The following MTUS2 variants were observed in gnomAD, a reference collection of about 807,000 sequenced individuals.
MTUS2 encodes the protein microtubule associated scaffold protein 2.
Under a neutral mutation model 114.1 loss-of-function variants are expected in MTUS2, and 40 were observed. That is an observed-to-expected ratio of 0.35 (90% CI 0.27 to 0.46). The LOEUF is 0.46. Among genes scored for constraint, MTUS2 ranks in the 20% least tolerant of loss-of-function variants. The pLI, the probability that MTUS2 is intolerant of heterozygous loss-of-function variation, is 1.00. For synonymous variants in MTUS2, 688 were observed against 672.0 expected, an observed-to-expected ratio of 1.02 and a Z score of -0.37; for missense variants, 1,679 against 1,705.4, an observed-to-expected ratio of 0.98 and a Z score of 0.27.
intron 2 of MTUS2, among the ~76,000 whole-genome samples, chr13:28,942,966 G>C (rs115766517): frequency 3.9e-5 from 6 of 151,976 alleles, no homozygotes; most frequent in African/African-American, 1.5e-4. Flanking sequence ...TTTATGAAAC[G>C]ATATATTAAT....
chr13:29,060,491 C>CT (rs1480618875), intron 4 of MTUS2, among the ~76,000 whole-genome samples: 13 of 148,874 alleles, frequency 8.7e-5, no homozygotes, highest in African/African-American at 3.2e-4. Flanking sequence ...TCTCCGCTGT[C>CT]TGTGTCCACC....
chr13:29,346,017 G>T (rs1216139204), intron 7 of MTUS2, among the ~76,000 whole-genome samples: 1 of 152,228 alleles, frequency 6.6e-6, no homozygotes, highest in African/African-American at 2.4e-5. Context: ...CTGTCTTCAG[G>T]TCTGTCAGCC....
At chr13:29,330,248 T>C (rs576372888) in intron 7 of MTUS2, among the ~76,000 whole-genome samples, 8 of 152,204 alleles carry the variant, frequency 5.3e-5, no homozygotes, top group African/African-American at 1.9e-4. Context: ...TTTTGAGAAG[T>C]GTCTGTTGAT....
intron 6 of MTUS2, among the ~76,000 whole-genome samples, chr13:29,299,055 G>T (rs1439060765): frequency 6.6e-6 from 1 of 152,182 alleles, no homozygotes; most frequent in Non-Finnish European, 1.5e-5. Context: ...TAGGAGAATA[G>T]AAGCATTTAA....
At chr13:29,370,715 G>A (rs980815250) in intron 8 of MTUS2, among the ~76,000 whole-genome samples, 6 of 152,174 alleles carry the variant, frequency 3.9e-5, no homozygotes, top group African/African-American at 1.4e-4. Flanking sequence ...GGGTTACCCA[G>A]TCTGTGGTAT....
At chr13:29,444,411 A>G (rs1878126859) in intron 9 of MTUS2, among the ~76,000 whole-genome samples, 2 of 152,146 alleles carry the variant, frequency 1.3e-5, no homozygotes, top group African/African-American at 4.8e-5. Context: ...AGCCTGGGCA[A>G]CAAGAGCAAA....
chr13:28,965,064 A>G (rs950677244), intron 2 of MTUS2, among the ~76,000 whole-genome samples: 4 of 152,092 alleles, frequency 2.6e-5, no homozygotes, highest in African/African-American at 9.7e-5. Context: ...TTGGTAACAT[A>G]GTGGAGAGAG....
chr13:29,423,909 G>C (rs1330290168), intron 8 of MTUS2, among the ~76,000 whole-genome samples: 1 of 151,276 alleles, frequency 6.6e-6, no homozygotes, highest in African/African-American at 2.4e-5. Context: ...TTGTCGCCCA[G>C]GCTACAATGC....
intron 5 of MTUS2, among the ~76,000 whole-genome samples, chr13:29,227,464 T>G (rs1007364384): frequency 2.0e-5 from 3 of 152,266 alleles, no homozygotes; most frequent in Admixed American, 6.5e-5. Context: ...CTGCACCAAG[T>G]GACCTGAGCC....
intron 3 of MTUS2, among the ~76,000 whole-genome samples, chr13:29,028,328 C>T (rs993365075): frequency 6.8e-6 from 1 of 146,692 alleles, no homozygotes; most frequent in Non-Finnish European, 1.5e-5. Context: ...TTCAGCCTGG[C>T]AACAGAGCGC....
intron 2 of MTUS2, among the ~76,000 whole-genome samples, chr13:28,953,232 G>A (rs963351538): frequency 6.6e-6 from 1 of 151,726 alleles, no homozygotes; most frequent in African/African-American, 2.4e-5. Context: ...CTCTAGGCTG[G>A]GCGCAGTGTC....
intron 4 of MTUS2, among the ~76,000 whole-genome samples, chr13:29,059,296 G>T (rs930498280): frequency 3.4e-5 from 5 of 145,836 alleles, no homozygotes; most frequent in Admixed American, 7.2e-5. Context: ...ATGGCATAAG[G>T]TGGATTTAGT....
chr13:29,419,668 AGCCAGT>A (rs1190051493), intron 8 of MTUS2, among the ~76,000 whole-genome samples: 1 of 152,214 alleles, frequency 6.6e-6, no homozygotes, highest in Admixed American at 6.5e-5. Context: ...GTTGTCATTC[AGCCAGT>A]GGCAGAATGA....
chr13:29,185,109 A>G (rs934278834), intron 5 of MTUS2, among the ~76,000 whole-genome samples: 2 of 152,180 alleles, frequency 1.3e-5, no homozygotes, highest in African/African-American at 4.8e-5. Flanking sequence ...AATAGAATAG[A>G]AAATCTAGAG....
intron 2 of MTUS2, among the ~76,000 whole-genome samples, chr13:28,892,111 T>C (rs956656425): frequency 2.6e-5 from 4 of 152,108 alleles, no homozygotes; most frequent in African/African-American, 9.7e-5. Context: ...CAGATACCAT[T>C]ATTCATTTAC....
At chr13:29,467,492 C>T (rs1879970765) in intron 9 of MTUS2, among the ~76,000 whole-genome samples, 1 of 152,104 alleles carries the variant, frequency 6.6e-6, no homozygotes, top group Admixed American at 6.5e-5. Flanking sequence ...GAACCGGTGC[C>T]GTGGAGATCT....
At chr13:28,988,227 G>C (rs1884675198) in intron 2 of MTUS2, among the ~76,000 whole-genome samples, 1 of 152,204 alleles carries the variant, frequency 6.6e-6, no homozygotes, top group African/African-American at 2.4e-5. Context: ...TGCTAAATTA[G>C]GGGTGTGAGG....
chr13:28,948,490 G>A lies in MTUS2; in HGVS notation c.-242-75967G>A, dbSNP rs183309080. Among the ~76,000 whole-genome samples, 490 of 152,254 alleles carry A rather than the reference G, an allele frequency of 3.2e-3. 2 individuals carry two copies. Among genetic ancestry groups the A allele is most frequent in the Middle Eastern group, 0.017 (5 of 294 alleles). On this transcript the variant is annotated intron_variant, in intron 2 of 15. Transcript: ENST00000612955. ...CTCTGCATTTAGAAATATGCAAGCAGATGGCAGGCACCTGCCTGTCTGAAG... is the reference window on the plus strand; with the variant it reads ...CTCTGCATTTAGAAATATGCAAGCAAATGGCAGGCACCTGCCTGTCTGAAG...
chr13:29,027,703 C>G (rs534711105), intron 3 of MTUS2, among the ~76,000 whole-genome samples: 2 of 152,190 alleles, frequency 1.3e-5, no homozygotes, highest in East Asian at 3.9e-4. Context: ...AGGCGCCCGC[C>G]ACCGCGCCTG....
Sources: gnomAD v4.1 joint callset for allele counts (sites outside exome capture counted in the v4.1 genomes callset) on GRCh38, gnomAD v4.1.1 for gene constraint, MANE v1.5 for transcripts, NCBI Gene and HGNC (gene_info 2026-07-23, HGNC 2026-07-21) for gene names.